The following KCNC2 variants were observed in gnomAD, a reference collection of about 807,000 sequenced individuals.
KCNC2 encodes the protein potassium voltage-gated channel subfamily C member 2, also known as voltage-gated potassium channel KCNC2.
A neutral mutation model predicts 44.5 loss-of-function variants in KCNC2; 21 were observed. The observed-to-expected ratio is 0.47, with a 90% CI of 0.33 to 0.68. The LOEUF (loss-of-function observed/expected upper bound fraction) is 0.68, where lower values mean the gene tolerates loss of function less well. Among genes scored for constraint, KCNC2 ranks in the 30% least tolerant of loss-of-function variants. KCNC2 has a pLI of 0.01. For missense variants in KCNC2, 589 were observed against 826.2 expected, an observed-to-expected ratio of 0.71 and a Z score of 3.52; for synonymous variants, 391 against 339.1, an observed-to-expected ratio of 1.15 and a Z score of -1.68.
intron 2 of KCNC2, among the ~76,000 whole-genome samples, chr12:75,092,295 T>G (rs1885552324): frequency 6.6e-6 from 1 of 151,662 alleles, no homozygotes; most frequent in African/African-American, 2.4e-5. Flanking sequence ...GCAGAAAAAT[T>G]AAAATCCTTG....
intron 2 of KCNC2, among the ~76,000 whole-genome samples, chr12:75,063,899 T>C (rs1882578249): frequency 6.6e-6 from 1 of 152,146 alleles, no homozygotes; most frequent in Admixed American, 6.6e-5. Context: ...TTCCTTACCT[T>C]GCTAATGTGT....
chr12:75,152,389 A>C (rs1890464865), intron 2 of KCNC2, among the ~76,000 whole-genome samples: 1 of 151,930 alleles, frequency 6.6e-6, no homozygotes, highest in Non-Finnish European at 1.5e-5. Flanking sequence ...TAGAAACCAA[A>C]AAAGAATGGT....
In KCNC2 at chr12:75,050,876, C is replaced by A; in HGVS notation, c.1129G>T (p.Ala377Ser). The A allele has an allele frequency of 6.2e-7, 1 of 1,613,472 alleles. No homozygotes were observed. Among genetic ancestry groups the A allele is most frequent in the Non-Finnish European group, 8.5e-7 (1 of 1,179,808 alleles). Residue 377 changes from alanine (A) to serine (S), a missense_variant, in exon 3 of 5, where the codon GCT (alanine) becomes TCT (serine). Transcript: ENST00000549446. The part of the protein sequence containing the change: ...GLRVLGHTLR[A>S]STNEFLLLII... ...AGCAGCAAAAATTCATTAGTACTAGCTCGAAGAGTATGTCCAAGCACCCTC... is the reference window on the plus strand; with the variant it reads ...AGCAGCAAAAATTCATTAGTACTAGATCGAAGAGTATGTCCAAGCACCCTC...
intron 2 of KCNC2, among the ~76,000 whole-genome samples, chr12:75,169,544 C>T (rs540569067): frequency 4.6e-5 from 7 of 151,394 alleles, no homozygotes; most frequent in East Asian, 3.9e-4. Context: ...TTAGCTCCTA[C>T]GAAAGCAAAA....
chr12:75,041,070 A>T lies in KCNC2; in HGVS notation c.*2035T>A. 6.4e-7 allele frequency: 1 copy of T among 1,572,300 alleles called. No homozygotes were observed. Among genetic ancestry groups the T allele is most frequent in the Non-Finnish European group, 8.6e-7 (1 of 1,156,734 alleles). ...TTAAGTGCCTCATGAAGACGCGAGG[A>T]TCTCTTCCAAGTGCAACCTGGTCAC... On this transcript the variant is annotated 3_prime_UTR_variant, in exon 5 of 5. Coordinates refer to ENST00000549446, the MANE Select transcript of KCNC2 (RefSeq NM_139137.4).
intron 2 of KCNC2, among the ~76,000 whole-genome samples, chr12:75,140,400 G>A (rs1408706357): frequency 1.3e-5 from 2 of 152,102 alleles, no homozygotes; most frequent in Non-Finnish European, 2.9e-5. Context: ...AAATGTGTAT[G>A]ATAATTATTT....
chr12:75,128,921 A>C (rs12315199), intron 2 of KCNC2, among the ~76,000 whole-genome samples: 30,284 of 152,120 alleles, frequency 0.2, 3,470 homozygotes, highest in Admixed American at 0.27. Flanking sequence ...ATTGATATTG[A>C]TCCCTGAAAC....
At chr12:75,048,998 T>C (rs1190184917) in intron 3 of KCNC2, among the ~76,000 whole-genome samples, 1 of 152,120 alleles carries the variant, frequency 6.6e-6, no homozygotes, top group Non-Finnish European at 1.5e-5. Context: ...GGGATGATAG[T>C]GTGTCCTCTT....
chr12:75,059,717 C>A (rs1015141133), intron 2 of KCNC2, among the ~76,000 whole-genome samples: 3 of 151,956 alleles, frequency 2.0e-5, no homozygotes, highest in African/African-American at 7.2e-5. Flanking sequence ...CAAAGTTAAT[C>A]TTCAATACAA....
chr12:75,198,290 C>T (rs2030948170), intron 2 of KCNC2, among the ~76,000 whole-genome samples: 2 of 151,816 alleles, frequency 1.3e-5, no homozygotes. Flanking sequence ...TTTGACGCAT[C>T]CACTAATTAT....
At chr12:75,045,135 C>T (rs563027185) in intron 4 of KCNC2, among the ~76,000 whole-genome samples, 3 of 151,964 alleles carry the variant, frequency 2.0e-5, no homozygotes, top group African/African-American at 7.2e-5. Context: ...TGATTGGCTT[C>T]GATTAAAGGC....
intron 2 of KCNC2, among the ~76,000 whole-genome samples, chr12:75,100,426 G>A (rs1886282317): frequency 6.6e-6 from 1 of 151,804 alleles, no homozygotes; most frequent in African/African-American, 2.4e-5. Context: ...AATTTTAAAG[G>A]CTCTTTAAAT....
chr12:75,166,672 A>G (rs567716113), intron 2 of KCNC2, among the ~76,000 whole-genome samples: 1 of 151,416 alleles, frequency 6.6e-6, no homozygotes, highest in African/African-American at 2.4e-5. Context: ...GGAAGAGTTC[A>G]CAAATAGTCA....
intron 2 of KCNC2, among the ~76,000 whole-genome samples, chr12:75,129,042 A>G (rs1888644940): frequency 6.6e-6 from 1 of 152,206 alleles, no homozygotes; most frequent in South Asian, 2.1e-4. Context: ...ATGGTTCATA[A>G]TGAGGTTACC....
intron 2 of KCNC2, among the ~76,000 whole-genome samples, chr12:75,176,573 G>A (rs1391000197): frequency 2.6e-5 from 4 of 151,890 alleles, no homozygotes; most frequent in Non-Finnish European, 4.4e-5. Flanking sequence ...CACTCTCCCA[G>A]CATGGAAATT....
chr12:75,081,823 A>G (rs375724187), intron 2 of KCNC2, among the ~76,000 whole-genome samples: 2 of 152,020 alleles, frequency 1.3e-5, no homozygotes, highest in African/African-American at 2.4e-5. Context: ...AACAAGCATC[A>G]CCCATATTAG....
chr12:75,086,483 C>G (rs1885007199), intron 2 of KCNC2, among the ~76,000 whole-genome samples: 1 of 151,794 alleles, frequency 6.6e-6, no homozygotes, highest in Non-Finnish European at 1.5e-5. Flanking sequence ...TGTGTCTCCT[C>G]TTGAAATACT....
chr12:75,114,891 G>T (rs2446336), intron 2 of KCNC2, among the ~76,000 whole-genome samples: 1 of 128,428 alleles, frequency 7.8e-6, no homozygotes, highest in African/African-American at 3.0e-5. Context: ...TTTGAGAAGG[G>T]ATCTCGCTGT....
At chr12:75,091,991 A>T (rs1885520581) in intron 2 of KCNC2, among the ~76,000 whole-genome samples, 2 of 151,626 alleles carry the variant, frequency 1.3e-5, no homozygotes, top group African/African-American at 4.8e-5. Context: ...CTATATTCTG[A>T]TTTCCCTTAA....
Sources: allele counts gnomAD v4.1 joint callset (sites outside exome capture counted in the v4.1 genomes callset), GRCh38; gene constraint gnomAD v4.1.1; transcripts MANE v1.5; gene names NCBI Gene and HGNC (gene_info 2026-07-23, HGNC 2026-07-21).